The following SSBP3 variants were observed in gnomAD, a reference collection of about 807,000 sequenced individuals.
SSBP3 encodes single stranded DNA binding protein 3, also known as single-stranded DNA-binding protein 3.
Under a neutral mutation model 69.6 loss-of-function variants are expected in SSBP3, and 5 were observed. The observed-to-expected ratio is 0.07, with a 90% CI of 0.04 to 0.15. The LOEUF is 0.15. SSBP3 is among the 10% of genes least tolerant of loss of function. SSBP3 has a pLI of 1.00. For synonymous variants in SSBP3, 196 were observed against 193.4 expected (o/e 1.01, Z -0.11); for missense variants, 312 against 534.0 (o/e 0.58, Z 4.10).
At chr1:54,303,226 C>T (rs1229591115) in intron 4 of SSBP3, among the ~76,000 whole-genome samples, 5 of 152,152 alleles carry the variant, frequency 3.3e-5, no homozygotes, top group African/African-American at 1.2e-4. Flanking sequence ...GGGGTGGGGG[C>T]GCCTCTGCCA....
intron 9 of SSBP3, among the ~76,000 whole-genome samples, chr1:54,249,120 C>G (rs1644782231): frequency 6.6e-6 from 1 of 152,096 alleles, no homozygotes; most frequent in African/African-American, 2.4e-5. Flanking sequence ...CAGGGGCAGA[C>G]ATGATGAGAC....
At chr1:54,295,311 C>T (rs531012413) in intron 4 of SSBP3, among the ~76,000 whole-genome samples, 25 of 152,312 alleles carry the variant, frequency 1.6e-4, no homozygotes, top group East Asian at 9.7e-4. Context: ...CCCTCCATCC[C>T]GGTCCATGTA....
chr1:54,372,911 G>C (rs147527940), intron 4 of SSBP3, among the ~76,000 whole-genome samples: 6 of 152,356 alleles, frequency 3.9e-5, no homozygotes, highest in Non-Finnish European at 7.3e-5. Context: ...CCTATGCCTA[G>C]TCCTCCTCTT....
At chr1:54,253,180 T>G (rs1173980613) in intron 7 of SSBP3, among the ~76,000 whole-genome samples, 1 of 149,658 alleles carries the variant, frequency 6.7e-6, no homozygotes, top group Non-Finnish European at 1.5e-5. Flanking sequence ...TTTTGTTTTT[T>G]TTTTAGTTTT....
chr1:54,293,273 G>T (rs1484167516), intron 4 of SSBP3, among the ~76,000 whole-genome samples: 4 of 152,042 alleles, frequency 2.6e-5, no homozygotes, highest in African/African-American at 9.7e-5. Flanking sequence ...GGATCCCGGT[G>T]AGAGATCTGC....
At chr1:54,243,148 C>T in intron 10 of SSBP3, 87 bp downstream of exon 10, 1 of 1,182,750 alleles carries the variant, frequency 8.5e-7, no homozygotes, top group Non-Finnish European at 1.3e-6. Context: ...CCAGCAATGA[C>T]CCCTTATCAT....
At chr1:54,386,988 C>T (rs1424559513) in intron 4 of SSBP3, among the ~76,000 whole-genome samples, 2 of 152,082 alleles carry the variant, frequency 1.3e-5, no homozygotes, top group African/African-American at 4.8e-5. Flanking sequence ...CCCTCCACAC[C>T]GGGGCACCTC....
chr1:54,405,335 G>C (rs973049193), intron 1 of SSBP3: 3 of 251,064 alleles, frequency 1.2e-5, no homozygotes, highest in African/African-American at 6.6e-5. Context: ...GCGCGCTCTG[G>C]AGAGGGCAGC....
intron 5 of SSBP3, among the ~76,000 whole-genome samples, chr1:54,279,524 T>A (rs556482760): frequency 2.0e-5 from 3 of 152,298 alleles, no homozygotes; most frequent in South Asian, 2.1e-4. Context: ...TCTACCACAG[T>A]GGTCTAATCT....
At chr1:54,371,962 C>T (rs576119640) in intron 4 of SSBP3, among the ~76,000 whole-genome samples, 85 of 152,260 alleles carry the variant, frequency 5.6e-4, no homozygotes, top group Non-Finnish European at 3.4e-4. Flanking sequence ...CATCCTTTCA[C>T]GGACATGGGT....
chr1:54,334,441 T>C (rs1646474551), intron 4 of SSBP3, among the ~76,000 whole-genome samples: 1 of 152,200 alleles, frequency 6.6e-6, no homozygotes, highest in African/African-American at 2.4e-5. Flanking sequence ...CTAAATGCTG[T>C]CATTTCCTTC....
intron 14 of SSBP3, chr1:54,238,623 C>T (rs867022787): frequency 1.9e-4 from 61 of 323,386 alleles, no homozygotes; most frequent in South Asian, 1.3e-3. Context: ...CACCCAAGGG[C>T]TGCAACTCTG....
chr1:54,258,573 T>C lies in SSBP3; in HGVS notation c.367-424A>G, dbSNP rs3766442. Among the ~76,000 whole-genome samples, 42,300 of 151,850 alleles carry C rather than the reference T, an allele frequency of 0.28. 6,128 individuals carry two copies. The highest frequency in any genetic ancestry group is 0.32 in the Non-Finnish European group (21,873 of 67,924). ...CGCTTGCACGGGAGGTGGGGAAAGA[T>C]CGGGAAGGGCCCTGCCCTCAAGGAG... is the stretch of plus-strand genomic sequence containing the variant. On this transcript the variant is annotated intron_variant, in intron 5 of 17. Coordinates refer to ENST00000610401, the Ensembl canonical transcript of SSBP3. The surrounding 1 kb of genome is among the most constrained non-coding windows in gnomAD (Gnocchi z 4.5).
At chr1:54,294,032 C>T (rs1334337426) in intron 4 of SSBP3, among the ~76,000 whole-genome samples, 7 of 147,722 alleles carry the variant, frequency 4.7e-5, no homozygotes, top group Non-Finnish European at 8.9e-5. Context: ...CCCAGCTACT[C>T]GGGAGGCTGA....
intron 9 of SSBP3, among the ~76,000 whole-genome samples, chr1:54,250,371 C>G (rs1644805627): frequency 6.6e-6 from 1 of 152,058 alleles, no homozygotes; most frequent in Non-Finnish European, 1.5e-5. Flanking sequence ...CTTGGGCTTG[C>G]TGTAAATACA....
At chr1:54,266,194 A>G (rs1645101216) in intron 5 of SSBP3, among the ~76,000 whole-genome samples, 1 of 152,214 alleles carries the variant, frequency 6.6e-6, no homozygotes, top group Non-Finnish European at 1.5e-5. Context: ...CATTGGTTCC[A>G]GGTCCAACCT....
chr1:54,241,888 G>A (rs1644645355), intron 11 of SSBP3, among the ~76,000 whole-genome samples: 2 of 152,242 alleles, frequency 1.3e-5, no homozygotes, highest in Non-Finnish European at 2.9e-5. Context: ...GATGGGTAGA[G>A]GTCTCCACTC....
chr1:54,388,322 G>A (rs750422252), intron 4 of SSBP3, among the ~76,000 whole-genome samples: 28 of 152,146 alleles, frequency 1.8e-4, no homozygotes, highest in Non-Finnish European at 2.4e-4. Context: ...TCATAACAAC[G>A]GGCTCATGCC....
At chr1:54,321,201 G>A (rs2100374352) in intron 4 of SSBP3, among the ~76,000 whole-genome samples, 1 of 152,370 alleles carries the variant, frequency 6.6e-6, no homozygotes, top group South Asian at 2.1e-4. Context: ...CAGGGCCTTG[G>A]GGGCCCAGCC....
Sources: allele counts gnomAD v4.1 joint callset (sites outside exome capture counted in the v4.1 genomes callset), GRCh38; gene constraint gnomAD v4.1.1; non-coding constraint Gnocchi (gnomAD v3.1); transcripts MANE v1.5; gene names NCBI Gene and HGNC (gene_info 2026-07-23, HGNC 2026-07-21).